The following NR1D2 variants were observed in gnomAD, a reference collection of about 807,000 sequenced individuals.
NR1D2 encodes nuclear receptor subfamily 1 group D member 2, also known as V-erbA-related protein 1-related.
Under a neutral mutation model 52.2 loss-of-function variants are expected in NR1D2, and 25 were observed. That is an observed-to-expected ratio of 0.48 (90% CI 0.35 to 0.67). NR1D2 has a LOEUF of 0.67. NR1D2 is among the 30% of genes least tolerant of loss of function. The pLI, the probability that NR1D2 is intolerant of heterozygous loss-of-function variation, is 0.01. For missense variants in NR1D2, 681 were observed against 707.2 expected, an observed-to-expected ratio of 0.96 and a Z score of 0.42; for synonymous variants, 259 against 230.1, an observed-to-expected ratio of 1.13 and a Z score of -1.14.
At chr3:23,976,089 C>T (rs1706716776) in intron 7 of NR1D2, among the ~76,000 whole-genome samples, 1 of 152,228 alleles carries the variant, frequency 6.6e-6, no homozygotes, top group Non-Finnish European at 1.5e-5. Context: ...CTGATGAAAA[C>T]ATCTATGGGT....
intron 3 of NR1D2, among the ~76,000 whole-genome samples, chr3:23,957,382 CTA>C (rs1369476761): frequency 1.0e-4 from 13 of 129,144 alleles, no homozygotes; most frequent in Admixed American, 7.3e-4. Flanking sequence ...TTCTCCTTCT[CTA>C]TATATCTTTT....
intron 4 of NR1D2, among the ~76,000 whole-genome samples, chr3:23,960,418 T>C (rs1706205001): frequency 6.6e-6 from 1 of 151,698 alleles, no homozygotes; most frequent in Non-Finnish European, 1.5e-5. Context: ...GTAGCCTCTA[T>C]CTCCCAGGTT....
In NR1D2 at chr3:23,955,990, C is replaced by T. The variant is rs760392998; in HGVS notation, c.284-47C>T. 5 of 1,322,676 alleles carry T rather than the reference C, an allele frequency of 3.8e-6. No homozygotes were observed. In the African/African-American group the frequency reaches 7.2e-5, roughly 19 times the overall value. 81.9% of individuals were successfully genotyped at this position (1,322,676 alleles called of 1,614,324 possible). ...AATATCTAATTGGAAAGAAAACAGA[C>T]TCGGTGTTTCCTCCTACTTTTTACT... On this transcript the variant is annotated intron_variant, in intron 2 of 7. Transcript: ENST00000312521.
intron 2 of NR1D2, 80 bp downstream of exon 2, chr3:23,954,883 C>T (rs1029232668): frequency 7.8e-7 from 1 of 1,278,358 alleles, no homozygotes; most frequent in African/African-American, 1.5e-5. Context: ...ATTTAGGTGG[C>T]CATTATGTTT....
At chr3:23,976,346 A>C (rs181451415) in intron 7 of NR1D2, among the ~76,000 whole-genome samples, 1 of 149,350 alleles carries the variant, frequency 6.7e-6, no homozygotes, top group Non-Finnish European at 1.5e-5. Flanking sequence ...GAGGGTTAAG[A>C]TATGATATGA....
chr3:23,963,521 C>A (rs1430353878), intron 5 of NR1D2: 2 of 380,220 alleles, frequency 5.3e-6, no homozygotes, highest in Non-Finnish European at 7.2e-6. Context: ...GCGACCTCAG[C>A]TCATTGCAAC....
chr3:23,949,364 G>GA (rs768317122), intron 1 of NR1D2, among the ~76,000 whole-genome samples: 3,545 of 143,730 alleles, frequency 0.025, 126 homozygotes, highest in African/African-American at 0.077. Flanking sequence ...AACTCCGTCT[G>GA]AAAAAAAAAA....
chr3:23,951,677 C>G (rs74609665), intron 1 of NR1D2, among the ~76,000 whole-genome samples: 2 of 152,310 alleles, frequency 1.3e-5, no homozygotes, highest in East Asian at 3.9e-4. Flanking sequence ...ATCTTTAAAA[C>G]TATGGGCCAA....
chr3:23,957,521 C>T (rs1434201209), intron 3 of NR1D2, among the ~76,000 whole-genome samples: 1 of 148,054 alleles, frequency 6.8e-6, no homozygotes, highest in African/African-American at 2.5e-5. Context: ...TCGAGACCAT[C>T]CTGGCTAACA....
intron 4 of NR1D2, among the ~76,000 whole-genome samples, chr3:23,960,476 G>A (rs1271809782): frequency 6.7e-6 from 1 of 150,028 alleles, no homozygotes; most frequent in Non-Finnish European, 1.5e-5. Flanking sequence ...GATTACAGGT[G>A]CCCGCCACCA....
At chr3:23,963,401 T>C in intron 5 of NR1D2, 1 of 1,242,132 alleles carries the variant, frequency 8.1e-7, no homozygotes, top group Non-Finnish European at 1.0e-6. Flanking sequence ...ATTTTTGTTG[T>C]CACTTGGAGT....
chr3:23,972,977 T>C (rs1706629651), intron 7 of NR1D2, among the ~76,000 whole-genome samples: 1 of 152,198 alleles, frequency 6.6e-6, no homozygotes, highest in Non-Finnish European at 1.5e-5. Flanking sequence ...ATAGGTCATC[T>C]AAACACAAAA....
intron 7 of NR1D2, among the ~76,000 whole-genome samples, chr3:23,973,986 G>A (rs1021404217): frequency 6.0e-5 from 9 of 151,124 alleles, no homozygotes; most frequent in African/African-American, 2.2e-4. Flanking sequence ...GCAGTAACAT[G>A]CATGAGCTGT....
At chr3:23,960,479 C>T (rs372723633) in intron 4 of NR1D2, among the ~76,000 whole-genome samples, 60 of 152,026 alleles carry the variant, frequency 3.9e-4, no homozygotes, top group African/African-American at 1.2e-3. Flanking sequence ...TACAGGTGCC[C>T]GCCACCACAC....
intron 4 of NR1D2, among the ~76,000 whole-genome samples, 163 bp from the exon 5 acceptor site, chr3:23,961,814 C>T (rs775195110): frequency 1.3e-5 from 2 of 152,074 alleles, no homozygotes; most frequent in Non-Finnish European, 2.9e-5. Context: ...TCCTTTGGTG[C>T]ATCAAGACCA....
chr3:23,958,576 G>T (rs1011426527), intron 3 of NR1D2, among the ~76,000 whole-genome samples: 1 of 148,450 alleles, frequency 6.7e-6, no homozygotes, highest in Admixed American at 6.8e-5. Flanking sequence ...GGAGTTCGAA[G>T]TTGCGGTGAG....
chr3:23,950,069 A>G (rs1048072221), intron 1 of NR1D2, among the ~76,000 whole-genome samples: 9 of 152,220 alleles, frequency 5.9e-5, no homozygotes, highest in Non-Finnish European at 1.2e-4. Flanking sequence ...AAAGAGGTAC[A>G]TACTGCCTGT....
chr3:23,960,619 A>G (rs1312547385), intron 4 of NR1D2, among the ~76,000 whole-genome samples: 1 of 152,200 alleles, frequency 6.6e-6, no homozygotes, highest in Non-Finnish European at 1.5e-5. Context: ...GGTGTGAGCC[A>G]TCAGGCGTGG....
At position 23,959,778 on chromosome 3, in the gene NR1D2, C is replaced by T. The variant is rs1266738337; in HGVS notation, c.480C>T (p.Arg160=). ...RMNRNRCQQC[R]FKKCLSVGMS... is the part of the protein sequence containing the mutation. Reference sequence around the variant, plus strand: ...ATAGGAACAGATGTCAGCAATGTCGCTTCAAAAAGTGTCTGTCTGTTGGAA... The same window carrying T: ...ATAGGAACAGATGTCAGCAATGTCGTTTCAAAAAGTGTCTGTCTGTTGGAA... The change falls in exon 4 of 8, where the codon CGC becomes CGT. Residue 160 remains arginine, a synonymous_variant. Transcript: ENST00000312521. 1.9e-6 allele frequency: 3 copies of T among 1,613,398 alleles called. No homozygotes were observed. Among genetic ancestry groups the T allele is most frequent in the Non-Finnish European group, 2.5e-6 (3 of 1,179,834 alleles).
Sources: allele counts gnomAD v4.1 joint callset (sites outside exome capture counted in the v4.1 genomes callset), GRCh38; gene constraint gnomAD v4.1.1; transcripts MANE v1.5; gene names NCBI Gene and HGNC (gene_info 2026-07-23, HGNC 2026-07-21).